The following ZC3H12B variants were observed in gnomAD, a reference collection of about 807,000 sequenced individuals.
ZC3H12B encodes zinc finger CCCH-type containing 12B.
ZC3H12B carries 7 observed loss-of-function variants against 43.9 expected under a neutral mutation model. The ratio of observed to expected loss-of-function variants is 0.16; its 90% CI spans 0.09 to 0.30. The LOEUF is 0.30. Among genes scored for constraint, ZC3H12B ranks in the 10% least tolerant of loss-of-function variants. The pLI is 1.00. For synonymous variants in ZC3H12B, 222 were observed against 241.7 expected (o/e 0.92, Z 0.76); for missense variants, 475 against 670.2 (o/e 0.71, Z 3.22).
the ZC3H12B span, among the ~76,000 whole-genome samples, chrX:65,100,566 C>CAAAAAAAAAAAAAAAAAAA: frequency 8.8e-4 from 4 of 4,531 alleles, 1 homozygote; most frequent in African/African-American, 1.7e-3. Flanking sequence ...AAAGATAAAG[C>CAAAAAAAAAAAAAAAAAAA]AAAAAAAAAA....
chrX:65,326,519 G>A, the ZC3H12B span, among the ~76,000 whole-genome samples: 33 of 109,790 alleles, frequency 3.0e-4, no homozygotes, highest in Admixed American at 1.4e-3. Flanking sequence ...TATAGGGTAG[G>A]GACGATAAAG....
the ZC3H12B span, among the ~76,000 whole-genome samples, chrX:65,043,504 A>G: frequency 9.0e-6 from 1 of 110,550 alleles, no homozygotes; most frequent in Non-Finnish European, 1.9e-5. Flanking sequence ...CAAAATATTA[A>G]TAGAAAAGCT....
At chrX:65,329,165 A>G in the ZC3H12B span, among the ~76,000 whole-genome samples, 6 of 111,539 alleles carry the variant, frequency 5.4e-5, no homozygotes, top group Non-Finnish European at 7.5e-5. Flanking sequence ...AGTCCCACCA[A>G]CAGTGTAAAA....
chrX:65,146,351 T>C, the ZC3H12B span, among the ~76,000 whole-genome samples: 2 of 112,002 alleles, frequency 1.8e-5, no homozygotes, highest in African/African-American at 6.5e-5. Flanking sequence ...ATTTATGCTA[T>C]TTCCTTGAAT....
In ZC3H12B at chrX:65,470,024, G is replaced by A. The variant is rs193202904; in HGVS notation, n.408-18622G>A. ...AGACCAAGAGGCAGTTTAAGAAACA[G>A]TCAGTGGCCAATAGTGTGGAGATGT... On this transcript the variant is annotated intron_variant and non_coding_transcript_variant, in intron 3 of 5. Coordinates refer to the ZC3H12B transcript ENST00000617377. 89 of 114,323 alleles carry A rather than the reference G, an allele frequency of 7.8e-4. 2 individuals are homozygous for A. In the East Asian group the frequency reaches 0.016, roughly 21 times the overall value. The allele number at this position is 114,323 out of a possible 1,213,427, so 9.4% of individuals were successfully genotyped here.
At chrX:65,211,720 AT>A in the ZC3H12B span, among the ~76,000 whole-genome samples, 1 of 87,576 alleles carries the variant, frequency 1.1e-5, no homozygotes, top group African/African-American at 4.2e-5. Flanking sequence ...TATATTATAT[AT>A]TTTTATGTAA....
chrX:65,384,173 G>A (rs1156419624), intron 2 of ZC3H12B, among the ~76,000 whole-genome samples: 1 of 101,587 alleles, frequency 9.8e-6, no homozygotes, highest in Non-Finnish European at 2.0e-5. Context: ...TATACACCAT[G>A]GAATACTATG....
the ZC3H12B span, among the ~76,000 whole-genome samples, chrX:65,230,307 T>A: frequency 9.1e-6 from 1 of 109,601 alleles, no homozygotes; most frequent in Non-Finnish European, 1.9e-5. Context: ...ACATGCATTT[T>A]CTCACTCATC....
the ZC3H12B span, among the ~76,000 whole-genome samples, chrX:65,109,522 A>G: frequency 8.9e-6 from 1 of 111,969 alleles, no homozygotes; most frequent in South Asian, 3.6e-4. Flanking sequence ...AGCCTGTATC[A>G]GTACTTCATT....
the ZC3H12B span, among the ~76,000 whole-genome samples, chrX:65,246,586 G>A: frequency 8.9e-6 from 1 of 111,951 alleles, no homozygotes; most frequent in East Asian, 2.8e-4. Flanking sequence ...GAACAGAATA[G>A]AGAACCCAGA....
the ZC3H12B span, among the ~76,000 whole-genome samples, chrX:65,050,429 A>G: frequency 9.0e-6 from 1 of 110,907 alleles, no homozygotes; most frequent in Non-Finnish European, 1.9e-5. Flanking sequence ...AGGATTTCCA[A>G]TGCTATGTTG....
chrX:65,232,297 G>T, the ZC3H12B span, among the ~76,000 whole-genome samples: 1 of 110,898 alleles, frequency 9.0e-6, no homozygotes, highest in Non-Finnish European at 1.9e-5. Flanking sequence ...TAAAAGTATT[G>T]ATTCTGGGAA....
chrX:65,311,608 T>A, the ZC3H12B span, among the ~76,000 whole-genome samples: 3 of 111,806 alleles, frequency 2.7e-5, no homozygotes, highest in East Asian at 8.4e-4. Flanking sequence ...GATCTAGAAC[T>A]AGAAATACCA....
the ZC3H12B span, among the ~76,000 whole-genome samples, chrX:65,203,160 C>T: frequency 8.9e-6 from 1 of 112,103 alleles, no homozygotes; most frequent in South Asian, 3.7e-4. Context: ...TGCCTCAGGG[C>T]ATGCCAGAAA....
chrX:65,352,551 T>C, the ZC3H12B span, among the ~76,000 whole-genome samples: 1 of 111,597 alleles, frequency 9.0e-6, no homozygotes, highest in Middle Eastern at 4.7e-3. Context: ...TGATAAAATC[T>C]TTTTGGAATT....
chrX:65,370,529 A>G (rs763641790), intron 2 of ZC3H12B, among the ~76,000 whole-genome samples: 68 of 112,114 alleles, frequency 6.1e-4, no homozygotes, highest in Non-Finnish European at 1.3e-4. Flanking sequence ...CTAAAGGAAT[A>G]TTTACCATAT....
At chrX:65,183,063 C>A in the ZC3H12B span, among the ~76,000 whole-genome samples, 11 of 111,868 alleles carry the variant, frequency 9.8e-5, no homozygotes, top group Non-Finnish European at 2.1e-4. Flanking sequence ...CCAGAGATTC[C>A]ATTACTGTGT....
intron 3 of ZC3H12B, among the ~76,000 whole-genome samples, chrX:65,471,445 A>ATTTTTTT (rs781370409): frequency 1.6e-5 from 1 of 61,059 alleles, no homozygotes; most frequent in Non-Finnish European, 3.0e-5. Flanking sequence ...TTGGTTTGTG[A>ATTTTTTT]TTTTTTTTTT....
chrX:65,452,004 G>T (rs2067521257), intron 3 of ZC3H12B, among the ~76,000 whole-genome samples: 1 of 111,555 alleles, frequency 9.0e-6, no homozygotes, highest in Non-Finnish European at 1.9e-5. Context: ...GTCAGAGCTA[G>T]GTTGAAATGA....
Sources: gnomAD v4.1 joint callset for allele counts (sites outside exome capture counted in the v4.1 genomes callset) on GRCh38, gnomAD v4.1.1 for gene constraint, MANE v1.5 for transcripts, NCBI Gene and HGNC (gene_info 2026-07-23, HGNC 2026-07-21) for gene names.